Variants in COPA observed in about 807,000 individuals in gnomAD.
The protein encoded by COPA is coat protein complex I subunit alpha.
COPA carries 10 observed loss-of-function variants against 158.7 expected under a neutral mutation model. The ratio of observed to expected loss-of-function variants is 0.06; its 90% CI spans 0.04 to 0.11. The LOEUF is 0.11. Among genes scored for constraint, COPA ranks in the 10% least tolerant of loss-of-function variants. The pLI is 1.00. For synonymous variants in COPA, 462 were observed against 542.8 expected (o/e 0.85, Z 2.07); for missense variants, 1,065 against 1,536.7 (o/e 0.69, Z 5.13).
At chr1:160,316,608 G>T (rs760383630) in intron 8 of COPA, among the ~76,000 whole-genome samples, 2 of 151,516 alleles carry the variant, frequency 1.3e-5, no homozygotes, top group South Asian at 2.1e-4. Flanking sequence ...AAATTAGCCG[G>T]GTGTGGTGGT....
At chr1:160,316,605 C>A (rs1229479714) in intron 8 of COPA, among the ~76,000 whole-genome samples, 1 of 151,374 alleles carries the variant, frequency 6.6e-6, no homozygotes, top group Non-Finnish European at 1.5e-5. Context: ...ACAAAATTAG[C>A]CGGGTGTGGT....
intron 10 of COPA, among the ~76,000 whole-genome samples, chr1:160,312,635 G>A (rs1426212324): frequency 1.3e-5 from 2 of 152,082 alleles, no homozygotes; most frequent in African/African-American, 4.8e-5. Flanking sequence ...TTCTAACCAT[G>A]GCATAGAAGG....
In COPA at chr1:160,305,586, G is replaced by C. The variant is rs773443486; in HGVS notation, c.1529-15C>G. On this transcript the variant is annotated splice_polypyrimidine_tract_variant and intron_variant, in intron 16 of 32. Coordinates refer to ENST00000241704, the MANE Select transcript of COPA (RefSeq NM_004371.4). The stretch of plus-strand genomic sequence containing the variant: ...GATCACAATGGCTGTAAGAGGCAAA[G>C]GGCATGAGTGTTCTGTTGGATAGGG... The C allele has an allele frequency of 1.2e-6, 2 of 1,614,202 alleles. No homozygotes were observed. The highest frequency in any genetic ancestry group is 1.7e-5 in the Admixed American group (1 of 60,026).
At position 160,292,916 on chromosome 1, in the gene COPA, T is replaced by C. The variant is rs116518545; in HGVS notation, c.2823+250A>G. Among the ~76,000 whole-genome samples, 1,984 of 152,212 alleles carry C rather than the reference T, an allele frequency of 0.013. 26 individuals are homozygous for C. The highest frequency in any genetic ancestry group is 0.017 in the Non-Finnish European group (1,177 of 68,012). On this transcript the variant is annotated intron_variant, in intron 27 of 32. Transcript: ENST00000241704. ...GCTTGGAAAGGGGTACTTATCTCAC[T>C]GATATGAGCCAGAAAGCAAGCTATA...
chr1:160,293,287 TCTC>T, intron 26 of COPA, 53 bp from the exon 27 acceptor site: 1 of 1,612,390 alleles, frequency 6.2e-7, no homozygotes, highest in Non-Finnish European at 8.5e-7. Context: ...CCTTCTCTAT[TCTC>T]CTCTGTAACT....
At chr1:160,307,277 T>C in intron 13 of COPA, 32 bp from the exon 14 acceptor site, 4 of 1,606,262 alleles carry the variant, frequency 2.5e-6, no homozygotes, top group Middle Eastern at 1.7e-4. Context: ...GGTGGGAGCA[T>C]GTGGTGAGTC....
intron 22 of COPA, 72 bp from the exon 23 acceptor site, chr1:160,295,931 C>T (rs1658387685): frequency 1.3e-6 from 2 of 1,581,210 alleles, no homozygotes; most frequent in East Asian, 2.2e-5. Context: ...TATGGAGCCT[C>T]CTTTGATCTC....
chr1:160,304,473 G>A (rs1288667860), intron 17 of COPA, among the ~76,000 whole-genome samples: 2 of 151,784 alleles, frequency 1.3e-5, no homozygotes, highest in Non-Finnish European at 1.5e-5. Flanking sequence ...AAACCAGCCT[G>A]GCCAACATGG....
At chr1:160,302,915 G>T (rs997569148) in intron 17 of COPA, among the ~76,000 whole-genome samples, 1 of 152,108 alleles carries the variant, frequency 6.6e-6, no homozygotes, top group South Asian at 2.1e-4. Flanking sequence ...GCTAATGCCT[G>T]CAATCCCAGC....
chr1:160,333,128 T>C (rs1219059510), intron 5 of COPA, among the ~76,000 whole-genome samples: 1 of 152,248 alleles, frequency 6.6e-6, no homozygotes, highest in Admixed American at 6.5e-5. Context: ...TTCACCATCT[T>C]GGCCAGGCTG....
chr1:160,343,126 A>G lies in COPA; in HGVS notation c.40+5T>C. 6.2e-7 allele frequency: 1 copy of G among 1,613,698 alleles called. No individual in the cohort carries two copies. ...CTCCATGTTCCCCCTTTTATTCTCC[A>G]CTACCTTTGACCCGCGCGCTCTTGG... On this transcript the variant is annotated splice_donor_5th_base_variant and intron_variant, in intron 1 of 32. Transcript: ENST00000241704.
chr1:160,311,473 G>A (rs192260776), intron 11 of COPA, among the ~76,000 whole-genome samples: 1,522 of 151,212 alleles, frequency 0.01, 10 homozygotes, highest in Non-Finnish European at 0.016. Context: ...AAATAGGCTG[G>A]GCGCGGTGGC....
chr1:160,293,496 A>C (rs1025234571), intron 25 of COPA, 33 bp from the exon 26 acceptor site: 3 of 1,332,778 alleles, frequency 2.3e-6, no homozygotes, highest in Non-Finnish European at 2.0e-6. Flanking sequence ...GTATTGAGTA[A>C]TTTTTTTTTT....
rs373273681 is a variant in COPA at position 160,343,190 on chromosome 1, G to A, written c.-20C>T. 37 of 1,613,984 alleles carry A rather than the reference G, an allele frequency of 2.3e-5. 1 individual carries two copies. The highest frequency in any genetic ancestry group is 3.1e-5 in the Non-Finnish European group (37 of 1,179,996). On this transcript the variant is annotated 5_prime_UTR_variant, in exon 1 of 33. Transcript: ENST00000241704. ...TAACATCTCTCAGGTCTCCGACTCC[G>A]ATGTCTTAATCCGAGCCCCGACACA...
chr1:160,293,444 G>A lies in COPA; in HGVS notation c.2696C>T (p.Ala899Val). ...AAAGAAACCATCTTCAGCCCCACCA[G>A]CTGCCCCAGGGGATATATCCTAGGG... ...PPELDISPGA[A>V]GGAEDGFFVP... Residue 899 changes from alanine to valine, a missense_variant, in exon 26 of 33, where the codon GCT becomes GTT. This residue lies in a region of COPA where 980 missense variants were observed against 1,357.8 expected (regional missense o/e 0.72). Transcript: ENST00000241704. 6.8e-6 allele frequency: 11 copies of A among 1,606,790 alleles called. No homozygotes were observed. Among genetic ancestry groups the A allele is most frequent in the Non-Finnish European group, 9.3e-6 (11 of 1,177,684 alleles).
chr1:160,339,692 C>A, intron 3 of COPA: 2 of 482,846 alleles, frequency 4.1e-6, no homozygotes, highest in Admixed American at 3.6e-5. Flanking sequence ...AAAACAGAAG[C>A]CATTTCTTAT....
intron 8 of COPA, among the ~76,000 whole-genome samples, chr1:160,321,705 T>C (rs986731639): frequency 6.6e-6 from 1 of 152,126 alleles, no homozygotes; most frequent in Non-Finnish European, 1.5e-5. Context: ...TGAGAATCAC[T>C]TGAACCTGGG....
At position 160,289,667 on chromosome 1, in the gene COPA, T is replaced by C. The variant is rs1241123317; in HGVS notation, c.*490A>G. The C allele has an allele frequency of 6.6e-6, 1 of 152,296 alleles. No individual in the cohort carries two copies. Among genetic ancestry groups the C allele is most frequent in the Admixed American group, 6.6e-5 (1 of 15,258 alleles). 9.4% of individuals were successfully genotyped at this position (152,296 alleles called of 1,614,324 possible). A position where few individuals can be genotyped will look rare whatever the true frequency, so the allele number is the denominator to read the frequency against. ...ATGAAGTGGTATGATCTCAGTTGAA[T>C]GCAACCTCCACCTCCTAGGTTCAAG... On this transcript the variant is annotated 3_prime_UTR_variant, in exon 33 of 33. Transcript: ENST00000241704.
At chr1:160,307,769 C>T (rs1349427780) in intron 13 of COPA, among the ~76,000 whole-genome samples, 1 of 152,234 alleles carries the variant, frequency 6.6e-6, no homozygotes, top group Non-Finnish European at 1.5e-5. Context: ...TGTCAACTGA[C>T]CATTCTTATC....
Sources: gnomAD v4.1 joint callset for allele counts (sites outside exome capture counted in the v4.1 genomes callset) on GRCh38, gnomAD v4.1.1 for gene constraint, gnomAD v4.1.1 regional missense constraint, MANE v1.5 for transcripts, NCBI Gene and HGNC (gene_info 2026-07-23, HGNC 2026-07-21) for gene names.